The following IGFL2 variants were observed in gnomAD, a reference collection of about 807,000 sequenced individuals.
IGFL2 encodes IGF like family member 2.
Under a neutral mutation model 13.9 loss-of-function variants are expected in IGFL2, and 7 were observed. The ratio of observed to expected loss-of-function variants is 0.51; its 90% CI spans 0.29 to 0.95. The LOEUF (loss-of-function observed/expected upper bound fraction) is 0.95. IGFL2 is among the 40% of genes least tolerant of loss of function. The pLI, the probability that IGFL2 is intolerant of heterozygous loss-of-function variation, is 0.08. For synonymous variants in IGFL2, 55 were observed against 55.8 expected (o/e 0.99, Z 0.07); for missense variants, 138 against 147.8 (o/e 0.93, Z 0.34).
At chr19:46,133,263 A>G in the IGFL2 span, among the ~76,000 whole-genome samples, 1 of 152,226 alleles carries the variant, frequency 6.6e-6, no homozygotes, top group Non-Finnish European at 1.5e-5. Context: ...AGGATCTCTC[A>G]GCAAGGCTAG....
chr19:46,119,667 A>G, the IGFL2 span, among the ~76,000 whole-genome samples: 2 of 150,784 alleles, frequency 1.3e-5, no homozygotes, highest in Non-Finnish European at 2.9e-5. Flanking sequence ...AATACTGCCA[A>G]AGAAGTCATG....
At chr19:46,181,067 T>TTA in the IGFL2 span, among the ~76,000 whole-genome samples, 1 of 152,216 alleles carries the variant, frequency 6.6e-6, no homozygotes, top group African/African-American at 2.4e-5. Context: ...AAGTTGATAC[T>TTA]TAATATTTGC....
chr19:46,149,240 C>G (rs1262695362), intron 1 of IGFL2, among the ~76,000 whole-genome samples: 2 of 149,004 alleles, frequency 1.3e-5, no homozygotes, highest in Admixed American at 6.7e-5. Flanking sequence ...TCCCTTTTCT[C>G]TCTCTCTCTC....
chr19:46,136,832 G>A, the IGFL2 span: 1 of 705,130 alleles, frequency 1.4e-6, no homozygotes, highest in Middle Eastern at 2.5e-4. Flanking sequence ...TAAAGTCCTG[G>A]TTGAGATCCA....
At chr19:46,166,070 A>T (rs1403866891), downstream of IGFL2, among the ~76,000 whole-genome samples, 1 of 152,140 alleles carries the variant, frequency 6.6e-6, no homozygotes, top group Non-Finnish European at 1.5e-5. Flanking sequence ...ACATTCATCT[A>T]CTGGAGGAAG....
chr19:46,193,197 A>G, the IGFL2 span, among the ~76,000 whole-genome samples: 1 of 152,164 alleles, frequency 6.6e-6, no homozygotes, highest in South Asian at 2.1e-4. Flanking sequence ...GTCTCAAAAG[A>G]ACAAAAACAA....
the IGFL2 span, chr19:46,214,590 A>C: frequency 6.6e-6 from 1 of 151,994 alleles, no homozygotes; most frequent in Non-Finnish European, 1.5e-5. Context: ...GTCGGACCTC[A>C]TCACCCACAT....
chr19:46,099,683 G>A, the IGFL2 span, among the ~76,000 whole-genome samples: 2 of 151,832 alleles, frequency 1.3e-5, no homozygotes, highest in Middle Eastern at 6.8e-3. Context: ...GCCTGCCACT[G>A]CGCCTGGCTA....
At chr19:46,125,590 T>TG in the IGFL2 span, among the ~76,000 whole-genome samples, 1 of 152,268 alleles carries the variant, frequency 6.6e-6, no homozygotes, top group African/African-American at 2.4e-5. Flanking sequence ...ATCCTCCACT[T>TG]GCTGGCACAG....
chr19:46,209,603 G>GT, the IGFL2 span: 1 of 152,096 alleles, frequency 6.6e-6, no homozygotes, highest in Non-Finnish European at 1.5e-5. Context: ...TTATTACTGG[G>GT]TTACACACAG....
the IGFL2 span, chr19:46,120,342 G>T: frequency 3.7e-6 from 6 of 1,611,076 alleles, no homozygotes; most frequent in Admixed American, 8.4e-5. Context: ...ATGGGTACAG[G>T]ACGTGCCTCC....
the IGFL2 span, among the ~76,000 whole-genome samples, chr19:46,091,284 C>T: frequency 6.6e-6 from 1 of 152,088 alleles, no homozygotes; most frequent in Non-Finnish European, 1.5e-5. Flanking sequence ...GAGAAGTGGT[C>T]CACATTTATG....
chr19:46,180,516 C>T, the IGFL2 span: 2 of 152,122 alleles, frequency 1.3e-5, no homozygotes, highest in African/African-American at 2.4e-5. Flanking sequence ...ATATTTACTA[C>T]ATTTGTATTA....
chr19:46,187,826 CGTGCTA>C, the IGFL2 span, among the ~76,000 whole-genome samples: 1 of 120,536 alleles, frequency 8.3e-6, no homozygotes, highest in African/African-American at 3.3e-5. Flanking sequence ...GTGTGTGCTA[CGTGCTA>C]CCTGATCAGA....
chr19:46,212,812 A>G, the IGFL2 span: 3 of 152,170 alleles, frequency 2.0e-5, no homozygotes, highest in African/African-American at 7.2e-5. Flanking sequence ...AGTGTCTGAC[A>G]CAAAGCCTGG....
chr19:46,090,442 C>T, the IGFL2 span, among the ~76,000 whole-genome samples: 2 of 152,188 alleles, frequency 1.3e-5, no homozygotes, highest in African/African-American at 2.4e-5. Context: ...TGTGGCCACA[C>T]GTCAACATCT....
the IGFL2 span, among the ~76,000 whole-genome samples, chr19:46,080,964 T>G: frequency 3.3e-5 from 5 of 152,336 alleles, no homozygotes; most frequent in East Asian, 7.7e-4. Flanking sequence ...GAACCTGATC[T>G]CCCTGTGCTT....
chr19:46,079,358 C>T, the IGFL2 span, among the ~76,000 whole-genome samples: 1 of 151,766 alleles, frequency 6.6e-6, no homozygotes. Context: ...CCCTCGTGGG[C>T]GTCAGGCCTC....
chr19:46,191,869 A>G, the IGFL2 span, among the ~76,000 whole-genome samples: 2 of 152,324 alleles, frequency 1.3e-5, no homozygotes, highest in South Asian at 2.1e-4. Flanking sequence ...GACTAAAAGT[A>G]TCTGATTTTC....
Sources: gnomAD v4.1 joint callset for allele counts (sites outside exome capture counted in the v4.1 genomes callset) on GRCh38, gnomAD v4.1.1 for gene constraint, MANE v1.5 for transcripts, NCBI Gene and HGNC (gene_info 2026-07-23, HGNC 2026-07-21) for gene names.